The following PPIE variants were observed in gnomAD, a reference collection of about 807,000 sequenced individuals.
PPIE encodes the protein peptidyl-prolyl cis-trans isomerase E.
In PPIE, 20 loss-of-function variants were observed where a neutral mutation model predicts 38.4. That is an observed-to-expected ratio of 0.52 (90% CI 0.37 to 0.76). PPIE has a LOEUF of 0.76. PPIE is among the 30% of genes least tolerant of loss of function. The probability of loss-of-function intolerance (pLI) is 0.00; values close to 1 mark genes in which losing one functional copy is unlikely to be tolerated. For missense variants in PPIE, 322 were observed against 385.8 expected, an observed-to-expected ratio of 0.83 and a Z score of 1.39; for synonymous variants, 142 against 135.7, an observed-to-expected ratio of 1.05 and a Z score of -0.32.
At chr1:39,739,635 C>T (rs1239285612) in intron 1 of PPIE, among the ~76,000 whole-genome samples, 2 of 152,098 alleles carry the variant, frequency 1.3e-5, no homozygotes, top group Admixed American at 1.3e-4. Context: ...AGCTGATGAG[C>T]AGGAGTTAGC....
In PPIE at chr1:39,752,899, C is replaced by T. The variant is rs779384142; in HGVS notation, c.695-11C>T. ...AGGGTTCGGGGAGCTGATGGTTGTT[C>T]TCTCCCTCAGGTCTACTATCCATGG... is the stretch of plus-strand genomic sequence containing the variant. On this transcript the variant is annotated splice_polypyrimidine_tract_variant and intron_variant, in intron 8 of 9. Coordinates refer to ENST00000324379, the MANE Select transcript of PPIE (RefSeq NM_006112.4). 6.2e-7 allele frequency: 1 copy of T among 1,608,718 alleles called. No individual in the cohort carries two copies. The highest frequency in any genetic ancestry group is 1.1e-5 in the South Asian group (1 of 90,522).
At chr1:39,742,120 T>C (rs560571000) in intron 4 of PPIE, 199 bp downstream of exon 4, 2 of 580,622 alleles carry the variant, frequency 3.4e-6, no homozygotes, top group East Asian at 2.9e-5. Flanking sequence ...TTCAGAATAA[T>C]GTAAGTCCTC....
intron 4 of PPIE, chr1:39,742,400 C>G (rs938244522): frequency 6.5e-6 from 1 of 152,896 alleles, no homozygotes; most frequent in Non-Finnish European, 1.4e-5. Flanking sequence ...TTTTAGTTTT[C>G]ATGTCTGATA....
intron 9 of PPIE, chr1:39,763,563 T>C: frequency 8.3e-7 from 1 of 1,210,394 alleles, no homozygotes; most frequent in Non-Finnish European, 1.1e-6. Flanking sequence ...TTTCTCACCA[T>C]ATTCTCACTT....
Position 39,762,513 on chromosome 1 carries a change from T to C in PPIE, c.838-1176T>C, listed in dbSNP as rs192079535. The stretch of plus-strand genomic sequence containing the variant: ...CCATCAGAAACCTGCTTTTGTCCTT[T>C]AAGGTTGCCCCAGATACCAAGGCAT... On this transcript the variant is annotated intron_variant, in intron 9 of 9. Coordinates refer to the PPIE transcript ENST00000356511. The C allele has an allele frequency of 7.3e-3, 11,275 of 1,549,386 alleles. 68 individuals are homozygous for C. Among genetic ancestry groups the C allele is most frequent in the Non-Finnish European group, 8.0e-3 (9,228 of 1,146,562 alleles).
intron 6 of PPIE, among the ~76,000 whole-genome samples, chr1:39,744,551 A>G (rs1013040812): frequency 1.6e-4 from 24 of 152,144 alleles, no homozygotes; most frequent in African/African-American, 5.6e-4. Flanking sequence ...GTCTATCTCT[A>G]GTTTTATGCA....
chr1:39,741,279 C>T (rs1035143689), intron 2 of PPIE, 87 bp from the exon 3 acceptor site: 42 of 1,171,262 alleles, frequency 3.6e-5, no homozygotes, highest in Admixed American at 1.5e-4. Context: ...TTGGATACGA[C>T]ATGTAACTGA....
Position 39,755,885 on chromosome 1 carries a change from A to C in PPIE, c.*2530A>C, listed in dbSNP as rs1246849761. On this transcript the variant is annotated 3_prime_UTR_variant, in exon 10 of 10. Transcript: ENST00000324379. ...CAAAGGTCACACAGGGTGGTTTGGC[A>C]GAGCTGGGATTAGAAGCCCAGCCTG... 35 of 985,440 alleles carry C rather than the reference A, an allele frequency of 3.6e-5. No homozygotes were observed. The highest frequency in any genetic ancestry group is 4.2e-5 in the Non-Finnish European group (35 of 829,916). 61.0% of individuals were successfully genotyped at this position (985,440 alleles called of 1,614,324 possible). A position where few individuals can be genotyped will look rare whatever the true frequency, so the allele number is the denominator to read the frequency against.
At chr1:39,739,086 A>T in intron 1 of PPIE, 155 bp downstream of exon 1, 1 of 781,370 alleles carries the variant, frequency 1.3e-6, no homozygotes. Context: ...GGCTGTGCTT[A>T]AACTCCTTCC....
At chr1:39,743,670 C>T (rs965064465) in intron 5 of PPIE, among the ~76,000 whole-genome samples, 154 bp from the exon 6 acceptor site, 3 of 152,188 alleles carry the variant, frequency 2.0e-5, no homozygotes, top group Non-Finnish European at 4.4e-5. Flanking sequence ...GGCCTACATT[C>T]TGGATGGGAA....
At chr1:39,745,626 T>C in intron 7 of PPIE, 128 bp downstream of exon 7, 3 of 1,445,958 alleles carry the variant, frequency 2.1e-6, no homozygotes, top group South Asian at 1.3e-5. Context: ...TTGAGGCATC[T>C]CAGATCCTGG....
At chr1:39,751,137 C>T (rs750844333) in intron 8 of PPIE, among the ~76,000 whole-genome samples, 19 of 152,124 alleles carry the variant, frequency 1.2e-4, no homozygotes, top group Non-Finnish European at 2.1e-4. Context: ...ATTGGTGATA[C>T]GGCTTTGTGA....
chr1:39,760,508 C>G (rs754815102), downstream of PPIE: 1 of 1,614,150 alleles, frequency 6.2e-7, no homozygotes, highest in Admixed American at 1.7e-5. Flanking sequence ...ACAGAGGTGG[C>G]GCTCAGCTTG....
At chr1:39,763,101 C>T in intron 9 of PPIE, 2 of 1,613,942 alleles carry the variant, frequency 1.2e-6, no homozygotes, top group Non-Finnish European at 1.7e-6. Flanking sequence ...CCAGGGACTG[C>T]AGGATGGCGT....
Position 39,753,617 on chromosome 1 carries a change from T to G in PPIE, c.*262T>G. On this transcript the variant is annotated 3_prime_UTR_variant, in exon 10 of 10. Transcript: ENST00000324379. The stretch of plus-strand genomic sequence containing the variant: ...CTGTGCAAAAAGCCACTGGCTTTTC[T>G]CAGCATTTGCTGCTGGGCCTCTCCT... 7.6e-7 allele frequency: 1 copy of G among 1,320,426 alleles called. No homozygotes were observed. Among genetic ancestry groups the G allele is most frequent in the Non-Finnish European group, 9.6e-7 (1 of 1,037,970 alleles). The allele number at this position is 1,320,426 out of a possible 1,614,324, so 81.8% of individuals were successfully genotyped here.
downstream of PPIE, chr1:39,760,431 G>T (rs41267037): frequency 6.2e-7 from 1 of 1,613,904 alleles, no homozygotes; most frequent in East Asian, 2.2e-5. Flanking sequence ...AGTGGCAGCC[G>T]CAGGCCTTGA....
rs1201914837 is a variant in PPIE at position 39,742,135 on chromosome 1, T to C, written c.201+214T>C. 2 of 555,284 alleles carry C rather than the reference T, an allele frequency of 3.6e-6. 1 individual carries two copies. The highest frequency in any genetic ancestry group is 6.1e-5 in the East Asian group (2 of 32,914). 34.4% of individuals were successfully genotyped at this position (555,284 alleles called of 1,614,324 possible). A position where few individuals can be genotyped will look rare whatever the true frequency, so the allele number is the denominator to read the frequency against. On this transcript the variant is annotated intron_variant, in intron 4 of 9. Coordinates refer to ENST00000324379, the MANE Select transcript of PPIE (RefSeq NM_006112.4). ...TTCAGAATAATGTAAGTCCTCATCA[T>C]CCTTGTTGACCAGTCTCTCACTGGC...
At chr1:39,742,493 T>TC (rs1279295564) in intron 4 of PPIE, 19 of 114,656 alleles carry the variant, frequency 1.7e-4, no homozygotes, top group African/African-American at 3.9e-4. Context: ...TTTCTTTCTT[T>TC]TTTTTTTTTT....
At chr1:39,745,354 A>G in intron 6 of PPIE, 21 bp from the exon 7 acceptor site, 1 of 1,613,910 alleles carries the variant, frequency 6.2e-7, no homozygotes, top group Non-Finnish European at 8.5e-7. Flanking sequence ...CTCTCTAACT[A>G]GCAATTTCTT....
Sources: allele counts gnomAD v4.1 joint callset (sites outside exome capture counted in the v4.1 genomes callset), GRCh38; gene constraint gnomAD v4.1.1; transcripts MANE v1.5; gene names NCBI Gene and HGNC (gene_info 2026-07-23, HGNC 2026-07-21).